The following SVOPL variants were observed in gnomAD, a reference collection of about 807,000 sequenced individuals.
SVOPL encodes SVOP like.
Under a neutral mutation model 61.0 loss-of-function variants are expected in SVOPL, and 60 were observed. That is an observed-to-expected ratio of 0.98 (90% confidence interval 0.80 to 1.22). The LOEUF is 1.22. Ranked by LOEUF, SVOPL falls within the 50% of genes most tolerant of loss-of-function variation. The pLI is 0.00. For missense variants in SVOPL, 662 were observed against 643.9 expected (o/e 1.03, Z -0.30); for synonymous variants, 279 against 250.0 (o/e 1.12, Z -1.09).
chr7:138,634,998 G>C (rs543378415), intron 9 of SVOPL, among the ~76,000 whole-genome samples: 2 of 152,268 alleles, frequency 1.3e-5, no homozygotes, highest in Non-Finnish European at 2.9e-5. Context: ...GCCGGGCGCA[G>C]TGGCTCATGC....
At chr7:138,689,897 T>C (rs1009272012) in intron 1 of SVOPL, among the ~76,000 whole-genome samples, 3 of 137,814 alleles carry the variant, frequency 2.2e-5, no homozygotes, top group African/African-American at 8.3e-5. Context: ...TTGAGTGGAG[T>C]GGGAGTCTTA....
At chr7:138,689,325 C>T in intron 1 of SVOPL, 1 of 1,591,654 alleles carries the variant, frequency 6.3e-7, no homozygotes, top group Non-Finnish European at 8.5e-7. Flanking sequence ...GGTCATTGAG[C>T]ATATCCAAGT....
chr7:138,695,753 T>C (rs1175980637), intron 1 of SVOPL, among the ~76,000 whole-genome samples: 1 of 152,104 alleles, frequency 6.6e-6, no homozygotes, highest in Non-Finnish European at 1.5e-5. Context: ...TTACTTTATA[T>C]TTTTATGCAT....
rs118107470 is a variant in SVOPL, at chr7:138,639,488, G to T, written c.789+5229C>A. On this transcript the variant is annotated intron_variant, in intron 9 of 15. Transcript: ENST00000674285. Reference sequence around the variant, plus strand: ...TTAAAAAAACGAAAGTTATTTGGGCGTGGTGGCGGGTGCCTGTAATCCCAG... The same window carrying T: ...TTAAAAAAACGAAAGTTATTTGGGCTTGGTGGCGGGTGCCTGTAATCCCAG... 2.2e-3 allele frequency among the ~76,000 whole-genome samples: 329 copies of T among 150,320 alleles called. 11 individuals carry two copies. In the East Asian group the frequency reaches 0.061, roughly 28 times the overall value.
intron 3 of SVOPL, among the ~76,000 whole-genome samples, chr7:138,676,037 T>C (rs1226375234): frequency 4.6e-5 from 7 of 152,194 alleles, no homozygotes; most frequent in Middle Eastern, 3.2e-3. Context: ...GGTTTCACTA[T>C]GTTGGCCAGG....
At chr7:138,627,258 T>A (rs1799932646) in intron 12 of SVOPL, 92 bp downstream of exon 12, 2 of 940,172 alleles carry the variant, frequency 2.1e-6, no homozygotes, top group South Asian at 3.0e-5. Context: ...TGGGTGAAAG[T>A]GACTTGTCCC....
chr7:138,637,790 A>G (rs112614056), intron 9 of SVOPL, among the ~76,000 whole-genome samples: 8,081 of 151,684 alleles, frequency 0.053, 523 homozygotes, highest in East Asian at 0.16. Context: ...CATCTCTACT[A>G]AAAATACAAA....
rs1237039312 is a variant in SVOPL, at chr7:138,644,703, G to A, written c.789+14C>T. ...CACTGGTGATAGGAGAAGACCTCGG[G>A]GGCCAGCACTCACCAGGACGGGCTC... On this transcript the variant is annotated intron_variant, in intron 9 of 15. Transcript: ENST00000674285. 1.2e-6 allele frequency: 2 copies of A among 1,613,266 alleles called. No individual in the cohort carries two copies. Among genetic ancestry groups the A allele is most frequent in the East Asian group, 2.2e-5 (1 of 44,852 alleles).
At chr7:138,652,378 G>T (rs1301447027) in intron 7 of SVOPL, among the ~76,000 whole-genome samples, 1 of 151,484 alleles carries the variant, frequency 6.6e-6, no homozygotes, top group South Asian at 2.1e-4. Context: ...GTAGACTTGG[G>T]GCCTCACTGT....
At chr7:138,671,956 A>G in intron 4 of SVOPL, 63 bp downstream of exon 4, 4 of 1,460,572 alleles carry the variant, frequency 2.7e-6, no homozygotes, top group Non-Finnish European at 3.8e-6. Flanking sequence ...GCCCTGCAGG[A>G]TGGAGGAAAG....
intron 14 of SVOPL, among the ~76,000 whole-genome samples, chr7:138,607,003 A>C (rs1281946496): frequency 1.3e-5 from 2 of 149,040 alleles, no homozygotes; most frequent in African/African-American, 4.9e-5. Context: ...ACTTGCCCTA[A>C]CTGTCTGCTT....
intron 13 of SVOPL, among the ~76,000 whole-genome samples, chr7:138,622,290 C>CTATCTATCTATCTATGTATG (rs1563096897): frequency 1.9e-4 from 20 of 106,650 alleles, no homozygotes; most frequent in African/African-American, 5.7e-4. Context: ...ATCTATCTAT[C>CTATCTATCTATCTATGTATG]TATCTATCTA....
intron 4 of SVOPL, among the ~76,000 whole-genome samples, chr7:138,668,691 T>G (rs916338471): frequency 2.6e-5 from 4 of 152,162 alleles, no homozygotes; most frequent in Non-Finnish European, 4.4e-5. Flanking sequence ...CCCCCAAAGA[T>G]TAAAATTCAC....
chr7:138,683,887 A>T (rs972402895), intron 1 of SVOPL, among the ~76,000 whole-genome samples: 12 of 151,778 alleles, frequency 7.9e-5, no homozygotes, highest in Admixed American at 3.3e-4. Flanking sequence ...CCCTGTCTCT[A>T]TTAAAAATAC....
At chr7:138,620,138 T>TC (rs1799494056) in intron 14 of SVOPL, among the ~76,000 whole-genome samples, 1 of 147,092 alleles carries the variant, frequency 6.8e-6, no homozygotes, top group Non-Finnish European at 1.5e-5. Context: ...TTTTTTTTTT[T>TC]TTGAGATAGA....
rs914802815 is a variant in SVOPL, at chr7:138,618,158, A to G, written c.1353+2888T>C. 2.1e-4 allele frequency among the ~76,000 whole-genome samples: 32 copies of G among 152,192 alleles called. 1 individual carries two copies. Among genetic ancestry groups the G allele is most frequent in the African/African-American group, 7.7e-4 (32 of 41,446 alleles). The stretch of plus-strand genomic sequence containing the variant: ...CGATTGCACAGAAATTGATACAACA[A>G]TACTTTCCAAAGTTAAATTATTGAG... On this transcript the variant is annotated intron_variant, in intron 14 of 15. Transcript: ENST00000674285.
intron 9 of SVOPL, among the ~76,000 whole-genome samples, chr7:138,632,875 A>G (rs7791780): frequency 0.036 from 5,530 of 152,288 alleles, 337 homozygotes; most frequent in African/African-American, 0.13. Context: ...TTATAATCTT[A>G]CAGCTATCCG....
chr7:138,697,207 A>G (rs1803081173), intron 1 of SVOPL, among the ~76,000 whole-genome samples: 1 of 152,160 alleles, frequency 6.6e-6, no homozygotes, highest in Non-Finnish European at 1.5e-5. Context: ...CCCCATCTCT[A>G]CAAAAATAAT....
At position 138,656,462 on chromosome 7, in the gene SVOPL, A is replaced by G; in HGVS notation, c.520T>C (p.Leu174=). 1 of 1,614,108 alleles carries G rather than the reference A, an allele frequency of 6.2e-7. No individual in the cohort carries two copies. The highest frequency in any genetic ancestry group is 8.5e-7 in the Non-Finnish European group (1 of 1,179,992). ...FLPTKYRGYM[L]PLSQVFWLAG... ...CGTTGCCTTACCTGAGACAAGGGTA[A>G]CATATAGCCTCGGTATTTCGTGGGC... Residue 174 remains leucine (L), a synonymous_variant, in exon 7 of 16, where the codon TTA becomes CTA. Transcript: ENST00000674285.
Sources: gnomAD v4.1 joint callset for allele counts (sites outside exome capture counted in the v4.1 genomes callset) on GRCh38, gnomAD v4.1.1 for gene constraint, MANE v1.5 for transcripts, NCBI Gene and HGNC (gene_info 2026-07-23, HGNC 2026-07-21) for gene names.